Variants in FOXO3 observed in about 807,000 individuals in gnomAD.
The protein encoded by FOXO3 is forkhead box O3, also known as forkhead box protein O3.
Under a neutral mutation model 41.9 loss-of-function variants are expected in FOXO3, and 4 were observed. The ratio of observed to expected loss-of-function variants is 0.10; its 90% confidence interval spans 0.05 to 0.22. FOXO3 has a LOEUF of 0.22. Among genes scored for constraint, FOXO3 ranks in the 10% least tolerant of loss-of-function variants. The pLI, the probability that FOXO3 is intolerant of heterozygous loss-of-function variation, is 1.00. For missense variants in FOXO3, 534 were observed against 906.8 expected (o/e 0.59, Z 5.28); for synonymous variants, 318 against 389.3 (o/e 0.82, Z 2.16).
In FOXO3 at chr6:108,684,502, A is replaced by C. The variant is rs1770989293; in HGVS notation, c.*4710A>C. On this transcript the variant is annotated 3_prime_UTR_variant, in exon 3 of 3. Transcript: ENST00000406360. ...TTGAGACTTTGATTTGAAGCACCTC[A>C]TCCTTCTTTCAATGCGAACACTATC... is the stretch of plus-strand genomic sequence containing the variant. 1 of 152,590 alleles carries C rather than the reference A, an allele frequency of 6.6e-6. No homozygotes were observed. Among genetic ancestry groups the C allele is most frequent in the African/African-American group, 2.4e-5 (1 of 41,554 alleles). 9.5% of individuals were successfully genotyped at this position (152,590 alleles called of 1,614,324 possible).
Position 108,561,522 on chromosome 6 carries a change from G to A in FOXO3, c.314G>A (p.Gly105Glu). ...EDSARVLAPG[G>E]QDPGSGPATA... ...TCGGCCCGGGTGCTGGCACCCGGAG[G>A]GCAAGACCCCGGGTCTGGGCCAGCC... is the stretch of plus-strand genomic sequence containing the variant. The change falls in exon 1 of 3, where the codon GGG (glycine) becomes GAG (glutamate). Residue 105 changes from glycine (G) to glutamate (E), a missense_variant. By Grantham distance (98) the Gly-to-Glu change is moderately conservative. Around this residue, in one of 8 missense-constraint regions of FOXO3, gnomAD observed 139 missense variants for 163.7 expected, o/e 0.85. Coordinates refer to ENST00000406360, the MANE Select transcript of FOXO3 (RefSeq NM_001455.4). 3 of 1,444,398 alleles carry A rather than the reference G, an allele frequency of 2.1e-6. No individual in the cohort carries two copies. Among genetic ancestry groups the A allele is most frequent in the East Asian group, 2.7e-5 (1 of 36,570 alleles). The allele number at this position is 1,444,398 out of a possible 1,614,324, so 89.5% of individuals were successfully genotyped here.
At position 108,638,278 on chromosome 6, in the gene FOXO3, T is replaced by C. The variant is rs529701795; in HGVS notation, c.622-25177T>C. Among the ~76,000 whole-genome samples, 6 of 152,322 alleles carry C rather than the reference T, an allele frequency of 3.9e-5. No homozygotes were observed. In the East Asian group the frequency reaches 1.2e-3, roughly 29 times the overall value. On this transcript the variant is annotated intron_variant, in intron 1 of 2. Coordinates refer to ENST00000406360, the MANE Select transcript of FOXO3 (RefSeq NM_001455.4). ...AGGGCCCTGGACCTTGTGTCCCCCT[T>C]TAACCAGAGCTTGTCCACTTTTCAT... is the stretch of plus-strand genomic sequence containing the variant.
intron 1 of FOXO3, among the ~76,000 whole-genome samples, chr6:108,572,078 C>T (rs1421998666): frequency 1.3e-5 from 2 of 152,134 alleles, no homozygotes; most frequent in African/African-American, 2.4e-5. Context: ...CCCTAGTCCC[C>T]CTCCTTACTG....
At chr6:108,586,936 A>AT (rs1776595025) in intron 1 of FOXO3, among the ~76,000 whole-genome samples, 1 of 133,626 alleles carries the variant, frequency 7.5e-6, no homozygotes, top group African/African-American at 2.8e-5. Flanking sequence ...CTGAACGTAA[A>AT]TATTATTATT....
chr6:108,624,628 G>T (rs1460915670), intron 1 of FOXO3, among the ~76,000 whole-genome samples: 2 of 152,074 alleles, frequency 1.3e-5, no homozygotes, highest in Admixed American at 1.3e-4. Context: ...AAAAGTTAAA[G>T]TTCGTATTGT....
rs1282177249 is a variant in FOXO3, at chr6:108,561,187, C to A, written c.-22C>A. The A allele has an allele frequency of 1.3e-6, 2 of 1,527,836 alleles. No homozygotes were observed. The highest frequency in any genetic ancestry group is 2.0e-5 in the Admixed American group (1 of 49,830). The allele number at this position is 1,527,836 out of a possible 1,614,324, so 94.6% of individuals were successfully genotyped here. On this transcript the variant is annotated 5_prime_UTR_variant, in exon 1 of 3. Coordinates refer to ENST00000406360, the MANE Select transcript of FOXO3 (RefSeq NM_001455.4). ...GAGAGGAGAGCGCGAGAGCCCCAGCCGCGGGCGGGCGGGCGGCGAAGATGG... is the reference window on the plus strand; with the variant it reads ...GAGAGGAGAGCGCGAGAGCCCCAGCAGCGGGCGGGCGGGCGGCGAAGATGG...
intron 2 of FOXO3, among the ~76,000 whole-genome samples, chr6:108,679,373 G>A (rs1770757032): frequency 6.6e-6 from 1 of 152,116 alleles, no homozygotes; most frequent in Admixed American, 6.5e-5. Flanking sequence ...AGCCAGTAGG[G>A]AAGAACCAGA....
At chr6:108,638,248 G>A (rs924057062) in intron 1 of FOXO3, among the ~76,000 whole-genome samples, 3 of 152,000 alleles carry the variant, frequency 2.0e-5, no homozygotes, top group Admixed American at 6.5e-5. Flanking sequence ...TGGTAGGGGG[G>A]CCTGAGGGCC....
rs190251658 is a variant in FOXO3 at position 108,563,844 on chromosome 6, G to A, written c.621+2015G>A. On this transcript the variant is annotated intron_variant, in intron 1 of 2. Coordinates refer to ENST00000406360, the MANE Select transcript of FOXO3 (RefSeq NM_001455.4). ...GATAATGGTATTACCAAAAGTAGCCGCGAATTGAGATTGGGCTAGATACAT... is the reference window on the plus strand; with the variant it reads ...GATAATGGTATTACCAAAAGTAGCCACGAATTGAGATTGGGCTAGATACAT... Among the ~76,000 whole-genome samples the A allele has an allele frequency of 1.4e-3, 209 of 152,184 alleles. 1 individual carries two copies. The highest frequency in any genetic ancestry group is 2.5e-3 in the Non-Finnish European group (170 of 68,002).
At chr6:108,641,702 G>C (rs1778263067) in intron 1 of FOXO3, among the ~76,000 whole-genome samples, 1 of 152,054 alleles carries the variant, frequency 6.6e-6, no homozygotes, top group South Asian at 2.1e-4. Flanking sequence ...TGTGAGGACT[G>C]CAGAATACCT....
In FOXO3 at chr6:108,683,034, C is replaced by G. The variant is rs1252304905; in HGVS notation, c.*3242C>G. 6.5e-6 allele frequency: 1 copy of G among 152,676 alleles called. No individual in the cohort carries two copies. The highest frequency in any genetic ancestry group is 1.5e-5 in the Non-Finnish European group (1 of 68,046). 9.5% of individuals were successfully genotyped at this position (152,676 alleles called of 1,614,324 possible). A position where few individuals can be genotyped will look rare whatever the true frequency, so the allele number is the denominator to read the frequency against. On this transcript the variant is annotated 3_prime_UTR_variant, in exon 3 of 3. Transcript: ENST00000406360. ...TGGCATGAGAACTGGCTGCCAGGCT[C>G]AGTGTACCCCATTAACTGTGAATGA...
At chr6:108,656,539 G>GT in intron 1 of FOXO3, 1 of 984,138 alleles carries the variant, frequency 1.0e-6, no homozygotes, top group Non-Finnish European at 1.2e-6. Flanking sequence ...TCGGAAAACA[G>GT]TAAGTTAACA....
At chr6:108,678,378 A>G (rs927559568) in intron 2 of FOXO3, among the ~76,000 whole-genome samples, 9 of 152,206 alleles carry the variant, frequency 5.9e-5, no homozygotes, top group African/African-American at 2.2e-4. Context: ...TTCTTGGCCT[A>G]GAGCCGTTTC....
Position 108,680,664 on chromosome 6 carries a change from A to G in FOXO3, c.*872A>G, listed in dbSNP as rs1248474047. The G allele has an allele frequency of 6.6e-6, 1 of 151,580 alleles. No homozygotes were observed. The highest frequency in any genetic ancestry group is 2.4e-5 in the African/African-American group (1 of 41,236). 9.4% of individuals were successfully genotyped at this position (151,580 alleles called of 1,614,324 possible). A position where few individuals can be genotyped will look rare whatever the true frequency, so the allele number is the denominator to read the frequency against. On this transcript the variant is annotated 3_prime_UTR_variant, in exon 3 of 3. Transcript: ENST00000406360. The stretch of plus-strand genomic sequence containing the variant: ...TGGTCTGCTGGTTAGAAACTAGAAT[A>G]TTGATATTTTCAGGAAAGAAATCAG...
chr6:108,563,643 A>C (rs1166044837), intron 1 of FOXO3, among the ~76,000 whole-genome samples: 1 of 152,240 alleles, frequency 6.6e-6, no homozygotes, highest in African/African-American at 2.4e-5. Flanking sequence ...CGTTAGTGAA[A>C]AGTTAGTTAA....
chr6:108,585,224 T>C (rs1776546389), intron 1 of FOXO3, among the ~76,000 whole-genome samples: 1 of 151,690 alleles, frequency 6.6e-6, no homozygotes. Flanking sequence ...TGTATTTTTT[T>C]AGTAGAGACG....
chr6:108,602,658 A>G (rs1049453364), intron 1 of FOXO3, among the ~76,000 whole-genome samples: 1 of 143,136 alleles, frequency 7.0e-6, no homozygotes, highest in Non-Finnish European at 1.5e-5. Flanking sequence ...AAACCAAACC[A>G]AAAAAAAAAA....
intron 1 of FOXO3, among the ~76,000 whole-genome samples, chr6:108,610,049 T>G (rs978729757): frequency 1.3e-5 from 2 of 152,186 alleles, no homozygotes; most frequent in African/African-American, 4.8e-5. Context: ...ATTGTTTGCT[T>G]GGCTGCAGTA....
chr6:108,676,550 G>A (rs549558950), intron 2 of FOXO3, among the ~76,000 whole-genome samples: 49 of 152,200 alleles, frequency 3.2e-4, no homozygotes, highest in Non-Finnish European at 5.0e-4. Flanking sequence ...CCCTTAATCC[G>A]ATGTGTTTTT....
Sources: gnomAD v4.1 joint callset for allele counts (sites outside exome capture counted in the v4.1 genomes callset) on GRCh38, gnomAD v4.1.1 for gene constraint, gnomAD v4.1.1 regional missense constraint, MANE v1.5 for transcripts, NCBI Gene and HGNC (gene_info 2026-07-23, HGNC 2026-07-21) for gene names.